MYO5A: variants seen among roughly 807,000 people sequenced by gnomAD.
MYO5A encodes unconventional myosin-Va.
A neutral mutation model predicts 249.7 loss-of-function variants in MYO5A; 98 were observed. The ratio of observed to expected loss-of-function variants is 0.39; its 90% confidence interval spans 0.33 to 0.46. The LOEUF is 0.46. MYO5A is among the 20% of genes least tolerant of loss of function. MYO5A has a pLI of 0.98. For synonymous variants in MYO5A, 778 were observed against 810.6 expected (o/e 0.96, Z 0.68); for missense variants, 1,696 against 2,308.8 (o/e 0.73, Z 5.44).
chr15:52,463,956 T>A (rs956298532), intron 1 of MYO5A, among the ~76,000 whole-genome samples: 1 of 152,236 alleles, frequency 6.6e-6, no homozygotes, highest in Non-Finnish European at 1.5e-5. Flanking sequence ...CCAATTAGAC[T>A]GTATATACAA....
At chr15:52,468,983 T>C (rs1045419276) in intron 1 of MYO5A, among the ~76,000 whole-genome samples, 5 of 152,210 alleles carry the variant, frequency 3.3e-5, no homozygotes, top group African/African-American at 1.2e-4. Flanking sequence ...TTTTAAAATA[T>C]ACATATCCTT....
Position 52,340,018 on chromosome 15 carries a change from C to T in MYO5A, c.4239+178G>A, listed in dbSNP as rs73408465. The stretch of plus-strand genomic sequence containing the variant: ...CCGTGATAAAGAGAACCTGTGCCTT[C>T]TTCCTTCCTACCAAAATATTTGTAT... On this transcript the variant is annotated intron_variant, in intron 32 of 41. Coordinates refer to ENST00000399233, the MANE Select transcript of MYO5A (RefSeq NM_001382347.1). Among the ~76,000 whole-genome samples, 14,789 of 152,212 alleles carry T rather than the reference C, an allele frequency of 0.097. 2,229 individuals carry two copies. Among genetic ancestry groups the T allele is most frequent in the African/African-American group, 0.33 (13,499 of 41,456 alleles).
At position 52,432,753 on chromosome 15, in the gene MYO5A, C is replaced by T. The variant is rs78650014; in HGVS notation, c.138+422G>A. ...AAAAGCCCTCCTAATTGGCCTAATT[C>T]TTCCCCGCCTTCCTCCCAACTAGTA... On this transcript the variant is annotated intron_variant, in intron 2 of 41. Transcript: ENST00000399233. 5.2e-3 allele frequency among the ~76,000 whole-genome samples: 786 copies of T among 152,258 alleles called. 6 individuals carry two copies. The highest frequency in any genetic ancestry group is 0.018 in the African/African-American group (763 of 41,546).
chr15:52,463,800 A>G (rs2076300099), intron 1 of MYO5A, among the ~76,000 whole-genome samples: 1 of 152,224 alleles, frequency 6.6e-6, no homozygotes, highest in Non-Finnish European at 1.5e-5. Context: ...ATAGTGTTAG[A>G]AGCTTCCACC....
chr15:52,422,894 T>C (rs2075310705), intron 4 of MYO5A, among the ~76,000 whole-genome samples: 1 of 151,962 alleles, frequency 6.6e-6, no homozygotes, highest in Admixed American at 6.6e-5. Flanking sequence ...TTTTTGTATT[T>C]TGTTTGTAAA....
At chr15:52,500,492 G>C (rs372905982) in intron 1 of MYO5A, among the ~76,000 whole-genome samples, 4 of 152,088 alleles carry the variant, frequency 2.6e-5, no homozygotes, top group East Asian at 3.9e-4. Flanking sequence ...GATTACAGGC[G>C]TGCGCCACCA....
chr15:52,472,165 G>A (rs1050931084), intron 1 of MYO5A, among the ~76,000 whole-genome samples: 6 of 150,874 alleles, frequency 4.0e-5, no homozygotes, highest in African/African-American at 1.5e-4. Flanking sequence ...TGCAAGCTCC[G>A]CCTCCCAGGT....
chr15:52,422,093 G>A (rs139114603), intron 4 of MYO5A, among the ~76,000 whole-genome samples: 2 of 151,964 alleles, frequency 1.3e-5, no homozygotes, highest in Admixed American at 6.6e-5. Flanking sequence ...TGTCAAACAA[G>A]AATAAAATAA....
In MYO5A at chr15:52,323,429, AATC is replaced by A; in HGVS notation, c.4723_4725del (p.Asp1575del). ...GAGAGCCAGAAGGAGACGGTTTCAA[AATC>A]ATCACCTCTTTTCTGAAAGAGAGAA... is the stretch of plus-strand genomic sequence containing the variant. On this transcript the variant is annotated inframe_deletion, in exon 37 of 42. Coordinates refer to ENST00000399233, the MANE Select transcript of MYO5A (RefSeq NM_001382347.1). 1 of 1,613,262 alleles carries A rather than the reference AATC, an allele frequency of 6.2e-7. No individual in the cohort carries two copies. Among genetic ancestry groups the A allele is most frequent in the Non-Finnish European group, 8.5e-7 (1 of 1,179,286 alleles).
chr15:52,408,487 T>C (rs758993990), intron 6 of MYO5A, among the ~76,000 whole-genome samples: 8 of 152,130 alleles, frequency 5.3e-5, no homozygotes, highest in Non-Finnish European at 1.0e-4. Context: ...TTTCTAATGG[T>C]ACCTCTTAGA....
At chr15:52,502,149 G>A (rs1056075696) in intron 1 of MYO5A, among the ~76,000 whole-genome samples, 3 of 151,998 alleles carry the variant, frequency 2.0e-5, no homozygotes, top group Non-Finnish European at 2.9e-5. Flanking sequence ...CGGGCATGGC[G>A]GCACACACCT....
At chr15:52,343,300 G>C (rs980161817) in intron 30 of MYO5A, 103 bp from the exon 31 acceptor site, 2 of 1,012,332 alleles carry the variant, frequency 2.0e-6, no homozygotes, top group Non-Finnish European at 3.1e-6. Context: ...CATTTTATAA[G>C]TTTGTTTTTA....
intron 1 of MYO5A, among the ~76,000 whole-genome samples, chr15:52,494,561 C>T (rs1248971049): frequency 6.6e-6 from 1 of 152,152 alleles, no homozygotes; most frequent in African/African-American, 2.4e-5. Context: ...GGCACCATCT[C>T]GGCTCACTGC....
chr15:52,431,204 C>G (rs933500963), intron 2 of MYO5A, among the ~76,000 whole-genome samples: 2 of 110,264 alleles, frequency 1.8e-5, no homozygotes, highest in South Asian at 2.8e-4. Flanking sequence ...AATACTCCAG[C>G]CTGGGTGACA....
At chr15:52,508,884 A>G (rs2077330661) in intron 1 of MYO5A, among the ~76,000 whole-genome samples, 1 of 152,186 alleles carries the variant, frequency 6.6e-6, no homozygotes, top group Non-Finnish European at 1.5e-5. Context: ...CTTATCTACC[A>G]AAAAAAACGT....
chr15:52,392,338 T>G (rs190673987), intron 11 of MYO5A, among the ~76,000 whole-genome samples: 22 of 152,366 alleles, frequency 1.4e-4, no homozygotes, highest in African/African-American at 4.6e-4. Context: ...TGATTATGTA[T>G]ATTTTCAAAA....
At chr15:52,476,345 A>C (rs1480746559) in intron 1 of MYO5A, among the ~76,000 whole-genome samples, 1 of 151,430 alleles carries the variant, frequency 6.6e-6, no homozygotes, top group Admixed American at 6.5e-5. Flanking sequence ...ACTCTTTATC[A>C]AATTTGCCAG....
At chr15:52,485,612 A>G (rs1309048769) in intron 1 of MYO5A, among the ~76,000 whole-genome samples, 6 of 152,152 alleles carry the variant, frequency 3.9e-5, no homozygotes, top group Non-Finnish European at 7.4e-5. Context: ...AGATTAAGTA[A>G]CCTCTTGTAT....
At chr15:52,337,678 T>G in intron 33 of MYO5A, 132 bp downstream of exon 33, 1 of 595,058 alleles carries the variant, frequency 1.7e-6, no homozygotes. Flanking sequence ...AAGACAGCTG[T>G]GGGGAGAAAC....
Sources: allele counts gnomAD v4.1 joint callset (sites outside exome capture counted in the v4.1 genomes callset), GRCh38; gene constraint gnomAD v4.1.1; transcripts MANE v1.5; gene names NCBI Gene and HGNC (gene_info 2026-07-23, HGNC 2026-07-21).